The following UBR4 variants were observed in gnomAD, a reference collection of about 807,000 sequenced individuals.
The protein encoded by UBR4 is E3 ubiquitin-protein ligase UBR4.
Under a neutral mutation model 575.6 loss-of-function variants are expected in UBR4, and 124 were observed. The observed-to-expected ratio is 0.22, with a 90% CI of 0.19 to 0.25. UBR4 has a LOEUF of 0.25. Ranked by LOEUF, UBR4 falls within the 10% of genes least tolerant of loss-of-function variation. The pLI, the probability that UBR4 is intolerant of heterozygous loss-of-function variation, is 1.00. For missense variants in UBR4, 4,818 were observed against 6,478.8 expected (o/e 0.74, Z 8.80); for synonymous variants, 2,455 against 2,473.7 (o/e 0.99, Z 0.22).
At chr1:19,188,535 T>C (rs976519292) in intron 11 of UBR4, among the ~76,000 whole-genome samples, 3 of 152,130 alleles carry the variant, frequency 2.0e-5, no homozygotes, top group African/African-American at 4.8e-5. Context: ...ACCTGGGCGA[T>C]AGAGTGAGGT....
In UBR4 at chr1:19,114,968, T is replaced by A; in HGVS notation, c.11064-19A>T. The A allele has an allele frequency of 6.2e-7, 1 of 1,614,126 alleles. No individual in the cohort carries two copies. The highest frequency in any genetic ancestry group is 8.5e-7 in the Non-Finnish European group (1 of 1,179,966). On this transcript the variant is annotated intron_variant, in intron 74 of 105. Coordinates refer to ENST00000375254, the MANE Select transcript of UBR4 (RefSeq NM_020765.3). ...GATGGATCTGAGTAACCAAAGCGTT[T>A]GGGTCAGTAAGGTGACAAGGCTGGG...
intron 67 of UBR4, 40 bp downstream of exon 67, chr1:19,121,894 T>A: frequency 1.2e-6 from 2 of 1,611,236 alleles, no homozygotes; most frequent in Non-Finnish European, 1.7e-6. Flanking sequence ...AGTTCCTGAA[T>A]GAATGAATAA....
chr1:19,141,927 C>T, intron 55 of UBR4, 150 bp from the exon 56 acceptor site: 2 of 1,105,014 alleles, frequency 1.8e-6, no homozygotes, highest in South Asian at 3.2e-5. Flanking sequence ...CTATGCCTGG[C>T]CTTGTTCTCT....
Position 19,201,657 on chromosome 1 carries a change from G to T in UBR4, c.274+61C>A, listed in dbSNP as rs1239155906. On this transcript the variant is annotated intron_variant, in intron 2 of 105. Coordinates refer to ENST00000375254, the MANE Select transcript of UBR4 (RefSeq NM_020765.3). ...AACTTTTTCAGATACACTAACGAGA[G>T]GATAAACAATCCCCCTATTCACAAG... The T allele has an allele frequency of 2.8e-6, 4 of 1,441,290 alleles. No homozygotes were observed. In the African/African-American group the frequency reaches 5.7e-5, roughly 20 times the overall value. The allele number at this position is 1,441,290 out of a possible 1,614,324, so 89.3% of individuals were successfully genotyped here.
chr1:19,171,914 C>T (rs2089611937), intron 25 of UBR4, among the ~76,000 whole-genome samples: 1 of 152,106 alleles, frequency 6.6e-6, no homozygotes, highest in Admixed American at 6.5e-5. Context: ...AGTCAATAAG[C>T]TTAAGAGAGC....
At position 19,106,727 on chromosome 1, in the gene UBR4, C is replaced by T; in HGVS notation, c.12236-1G>A. 1 of 1,597,956 alleles carries T rather than the reference C, an allele frequency of 6.3e-7. No individual in the cohort carries two copies. The highest frequency in any genetic ancestry group is 8.5e-7 in the Non-Finnish European group (1 of 1,170,332). ...GGGGCTTTCCCATTGCCATCTATCC[C>T]TGCAAGGCCAAGGGTTGCAGGGGTA... On this transcript the variant is annotated splice_acceptor_variant, in intron 82 of 105. Coordinates refer to ENST00000375254, the MANE Select transcript of UBR4 (RefSeq NM_020765.3). LOFTEE classifies it high-confidence loss of function.
At chr1:19,121,154 C>A in intron 68 of UBR4, 35 bp downstream of exon 68, 1 of 1,605,982 alleles carries the variant, frequency 6.2e-7, no homozygotes, top group South Asian at 1.1e-5. Flanking sequence ...TTACATACAT[C>A]ATTGTAGTCA....
chr1:19,151,936 T>C (rs2085779120), intron 47 of UBR4, 77 bp from the exon 48 acceptor site: 2 of 1,295,282 alleles, frequency 1.5e-6, no homozygotes, highest in Non-Finnish European at 1.1e-6. Flanking sequence ...TTCTCTGACA[T>C]TGTCTCAACA....
At chr1:19,181,131 G>A (rs1042115841) in intron 17 of UBR4, among the ~76,000 whole-genome samples, 1 of 152,142 alleles carries the variant, frequency 6.6e-6, no homozygotes, top group Non-Finnish European at 1.5e-5. Flanking sequence ...TACAGTCCCA[G>A]CTATACGGGA....
At chr1:19,105,274 T>C (rs2079060345) in intron 84 of UBR4, 85 bp from the exon 85 acceptor site, 1 of 1,470,710 alleles carries the variant, frequency 6.8e-7, no homozygotes, top group Admixed American at 2.2e-5. Context: ...CTCCCAATCT[T>C]TCCTATCTTC....
rs921319469 is a variant in UBR4 at position 19,117,618 on chromosome 1, T to TCC, written c.10629+203_10629+204dup. ...CTCAGGGGATCCTCCCATCTTAGCC[T>TCC]CCCAAAGTACTGGGATTATAGGCTT... is the stretch of plus-strand genomic sequence containing the variant. On this transcript the variant is annotated intron_variant, in intron 72 of 105. Transcript: ENST00000375254. This position sits in a 1 kb window ranked among gnomAD's most constrained non-coding sequence, Gnocchi z 4.0. Among the ~76,000 whole-genome samples, 16 of 152,242 alleles carry TCC rather than the reference T, an allele frequency of 1.1e-4. No homozygotes were observed. The highest frequency in any genetic ancestry group is 3.6e-4 in the African/African-American group (15 of 41,540).
At chr1:19,122,577 G>A (rs764274365) in intron 66 of UBR4, among the ~76,000 whole-genome samples, 4 of 152,160 alleles carry the variant, frequency 2.6e-5, no homozygotes, top group Non-Finnish European at 5.9e-5. Flanking sequence ...TAAGAAGCTC[G>A]GGCCACTCAC....
Position 19,164,951 on chromosome 1 carries a change from C to T in UBR4, c.4359G>A (p.Leu1453=). ...CAGGTTCCACACAGGCCAGTTGTGCCAGGGAGCCACAGAGATGCAACAGGC... is the reference window on the plus strand; with the variant it reads ...CAGGTTCCACACAGGCCAGTTGTGCTAGGGAGCCACAGAGATGCAACAGGC... ...NPSLLHLCGS[L]AQLACVEPVR... Residue 1453 remains leucine (L), a synonymous_variant, in exon 32 of 106, where the codon CTG becomes CTA. Coordinates refer to ENST00000375254, the MANE Select transcript of UBR4 (RefSeq NM_020765.3). 1 of 1,614,072 alleles carries T rather than the reference C, an allele frequency of 6.2e-7. No individual in the cohort carries two copies. The highest frequency in any genetic ancestry group is 8.5e-7 in the Non-Finnish European group (1 of 1,180,028).
Position 19,101,558 on chromosome 1 carries a change from C to G in UBR4, c.12985G>C (p.Val4329Leu). 1 of 1,613,948 alleles carries G rather than the reference C, an allele frequency of 6.2e-7. No individual in the cohort carries two copies. The highest frequency in any genetic ancestry group is 8.5e-7 in the Non-Finnish European group (1 of 1,179,828). The change falls in exon 88 of 106, where the codon GTG becomes CTG. Residue 4329 changes from valine (V) to leucine (L), a missense_variant. By Grantham distance (32) the Val-to-Leu change is conservative (BLOSUM62 1). This residue lies in a region of UBR4 where 105 missense variants were observed against 232.8 expected (regional missense o/e 0.45). Coordinates refer to ENST00000375254, the MANE Select transcript of UBR4 (RefSeq NM_020765.3). ...CTGCAGAGCCTCTCGAAGATGAACA[C>G]CGGGGTCCGGTAGTCATCCAGATTG... is the stretch of plus-strand genomic sequence containing the variant. ...RYNLDDYRTP[V>L]FIFERLCSII...
chr1:19,181,883 C>A (rs2091001999), intron 17 of UBR4, among the ~76,000 whole-genome samples: 1 of 152,264 alleles, frequency 6.6e-6, no homozygotes, highest in Non-Finnish European at 1.5e-5. Context: ...TATTCTGCAA[C>A]CCTTACTACC....
chr1:19,144,078 C>T lies in UBR4; in HGVS notation c.8081G>A (p.Ser2694Asn), dbSNP rs1320465198. ...AATTAGAGCTTGTTTACAAGAGAAG[C>T]TCACAGCAGGATCCTGAGGTTTAAA... Reference protein sequence around the residue: ...QMLLCPDPAVSFSCKQALIRV... With the variant: ...QMLLCPDPAVNFSCKQALIRV... The change falls in exon 55 of 106, where the codon AGC becomes AAC. Residue 2694 changes from serine to asparagine, a missense_variant. Physicochemically the swap from Ser to Asn is conservative, Grantham distance 46. Around this residue, in one of 29 missense-constraint regions of UBR4, gnomAD observed 340 missense variants for 375.4 expected, o/e 0.91. Coordinates refer to ENST00000375254, the MANE Select transcript of UBR4 (RefSeq NM_020765.3). 2 of 1,614,008 alleles carry T rather than the reference C, an allele frequency of 1.2e-6. No individual in the cohort carries two copies. Among genetic ancestry groups the T allele is most frequent in the Non-Finnish European group, 8.5e-7 (1 of 1,179,880 alleles).
In UBR4 at chr1:19,128,322, G is replaced by A. The variant is rs1243083755; in HGVS notation, c.9004-4C>T. ...CTGTAGTGAGCATTAGAATGACCTA[G>A]AAGTCAAAGACAGAAAACACAAAAC... is the stretch of plus-strand genomic sequence containing the variant. On this transcript the variant is annotated splice_region_variant and splice_polypyrimidine_tract_variant and intron_variant, in intron 61 of 105. Transcript: ENST00000375254. 6.2e-7 allele frequency: 1 copy of A among 1,612,626 alleles called. No individual in the cohort carries two copies. The highest frequency in any genetic ancestry group is 8.5e-7 in the Non-Finnish European group (1 of 1,179,212).
Position 19,076,896 on chromosome 1 carries a change from G to A in UBR4, c.15331C>T (p.Pro5111Ser). The change falls in exon 105 of 106, where the codon CCT becomes TCT. Residue 5111 changes from proline (P) to serine (S), a missense_variant. This residue lies in a region of UBR4 where 212 missense variants were observed against 221.3 expected (regional missense o/e 0.96). Coordinates refer to ENST00000375254, the MANE Select transcript of UBR4 (RefSeq NM_020765.3). ...DLIYNMFKKVPTSNTEGGWSC... is the reference protein window; with the variant it reads ...DLIYNMFKKVSTSNTEGGWSC... ...CAGCCTCCCTCTGTGTTACTGGTAG[G>A]CACCTTCTACGAGAATCAACAGGAG... is the stretch of plus-strand genomic sequence containing the variant. 1 of 1,560,260 alleles carries A rather than the reference G, an allele frequency of 6.4e-7. No individual in the cohort carries two copies. The highest frequency in any genetic ancestry group is 2.3e-5 in the East Asian group (1 of 44,180).
At chr1:19,207,366 C>T (rs1157749389) in intron 1 of UBR4, among the ~76,000 whole-genome samples, 1 of 152,346 alleles carries the variant, frequency 6.6e-6, no homozygotes, top group Non-Finnish European at 1.5e-5. Flanking sequence ...CAGTGGCTCA[C>T]GCCTGTAATC....
Sources: allele counts gnomAD v4.1 joint callset (sites outside exome capture counted in the v4.1 genomes callset), GRCh38; gene constraint gnomAD v4.1.1; regional missense constraint gnomAD v4.1.1; non-coding constraint Gnocchi (gnomAD v3.1); transcripts MANE v1.5; gene names NCBI Gene and HGNC (gene_info 2026-07-23, HGNC 2026-07-21).